Variants in PTCSC3 observed in about 807,000 individuals in gnomAD.
PTCSC3 encodes papillary thyroid carcinoma susceptibility candidate 3 (non-protein coding).
intron 3 of PTCSC3, among the ~76,000 whole-genome samples, chr14:36,139,917 G>T (rs2139087251): frequency 6.6e-6 from 1 of 152,198 alleles, no homozygotes; most frequent in South Asian, 2.1e-4. Context: ...ATAATATCAG[G>T]TATCCACCAT....
intron 3 of PTCSC3, among the ~76,000 whole-genome samples, chr14:36,147,897 G>A (rs972266902): frequency 4.6e-5 from 7 of 151,914 alleles, no homozygotes; most frequent in African/African-American, 7.3e-5. Context: ...ACCCTCAGCT[G>A]CAGGTCTGTT....
chr14:36,174,480 G>A (rs1030931804), intron 1 of PTCSC3, among the ~76,000 whole-genome samples: 23 of 152,102 alleles, frequency 1.5e-4, no homozygotes, highest in African/African-American at 5.6e-4. Flanking sequence ...GTCTTTTAAT[G>A]TGATTTTTAT....
intron 2 of PTCSC3, among the ~76,000 whole-genome samples, chr14:36,159,802 A>G (rs559849566): frequency 4.0e-5 from 6 of 151,194 alleles, no homozygotes; most frequent in Non-Finnish European, 5.9e-5. Flanking sequence ...TATCCTTGTT[A>G]ATATTCCTGT....
intron 1 of PTCSC3, among the ~76,000 whole-genome samples, chr14:36,170,739 A>G (rs1882177449): frequency 6.6e-6 from 1 of 152,074 alleles, no homozygotes; most frequent in East Asian, 1.9e-4. Flanking sequence ...CCAGGTTGCC[A>G]ATGTCTAGTG....
intron 1 of PTCSC3, chr14:36,165,276 A>G (rs1452893638): frequency 6.6e-6 from 1 of 152,210 alleles, no homozygotes; most frequent in Admixed American, 6.5e-5. Context: ...GGAAAAAAGA[A>G]TATGCGACAC....
intron 3 of PTCSC3, among the ~76,000 whole-genome samples, chr14:36,152,290 T>C (rs1472199746): frequency 2.0e-5 from 3 of 151,908 alleles, no homozygotes; most frequent in African/African-American, 7.3e-5. Flanking sequence ...CTTTTTTTCA[T>C]CAAAAGACAT....
chr14:36,138,417 C>A (rs112976934), intron 3 of PTCSC3, among the ~76,000 whole-genome samples: 2,331 of 152,266 alleles, frequency 0.015, 27 homozygotes, highest in African/African-American at 0.033. Context: ...AAACTAAAAA[C>A]TGTCAAATTA....
At chr14:36,149,463 G>A (rs946562975) in intron 3 of PTCSC3, among the ~76,000 whole-genome samples, 6 of 152,102 alleles carry the variant, frequency 3.9e-5, no homozygotes, top group African/African-American at 1.4e-4. Context: ...CTGTGGTTGG[G>A]GAAGTGTTCT....
At chr14:36,166,366 C>T (rs560312463) in intron 1 of PTCSC3, among the ~76,000 whole-genome samples, 5 of 152,288 alleles carry the variant, frequency 3.3e-5, no homozygotes, top group African/African-American at 1.2e-4. Flanking sequence ...TAAGGCTCAA[C>T]TACGTCTGAA....
rs543187078 is a variant in PTCSC3 at position 36,166,279 on chromosome 14, T to A, written n.172-3596A>T. Among the ~76,000 whole-genome samples the A allele has an allele frequency of 2.0e-5, 3 of 152,330 alleles. No homozygotes were observed. The East Asian group carries it at 5.8e-4, about 29-fold the overall frequency. On this transcript the variant is annotated intron_variant and non_coding_transcript_variant, in intron 1 of 3. Transcript: ENST00000556013. Reference sequence around the variant, plus strand: ...ATAAGTCTTAAGTCCTTGATGACTTTTTAATAAAATACGCTACAGAGAACG... The same window carrying A: ...ATAAGTCTTAAGTCCTTGATGACTTATTAATAAAATACGCTACAGAGAACG...
chr14:36,136,037 T>A (rs1881280190), downstream of PTCSC3: 1 of 152,316 alleles, frequency 6.6e-6, no homozygotes, highest in Admixed American at 6.6e-5. Context: ...GTCCCAAAAC[T>A]GAAAAACTTG....
At chr14:36,155,626 C>T (rs930690173) in intron 2 of PTCSC3, among the ~76,000 whole-genome samples, 4 of 152,090 alleles carry the variant, frequency 2.6e-5, no homozygotes, top group African/African-American at 4.8e-5. Context: ...AACCGATCTG[C>T]GCAACTGAGT....
intron 3 of PTCSC3, among the ~76,000 whole-genome samples, chr14:36,145,470 G>C (rs1396518503): frequency 6.7e-6 from 1 of 149,976 alleles, no homozygotes; most frequent in Admixed American, 6.6e-5. Context: ...AGTATTCTCT[G>C]ATGGTAGTTC....
At chr14:36,136,369 G>T (rs1881287641) in intron 3 of PTCSC3, 2 of 152,246 alleles carry the variant, frequency 1.3e-5, no homozygotes, top group African/African-American at 4.8e-5. Flanking sequence ...GTAAAGAAAG[G>T]ACAGGATGAG....
intron 1 of PTCSC3, among the ~76,000 whole-genome samples, chr14:36,172,956 T>A (rs988819704): frequency 6.6e-6 from 1 of 152,118 alleles, no homozygotes; most frequent in Non-Finnish European, 1.5e-5. Context: ...GTTTTTTTTT[T>A]AAGTATTGGT....
intron 1 of PTCSC3, among the ~76,000 whole-genome samples, chr14:36,173,995 C>T (rs1001501731): frequency 3.3e-5 from 5 of 151,372 alleles, no homozygotes; most frequent in African/African-American, 1.2e-4. Context: ...TTTTTTTTCT[C>T]TTTGGCTGCT....
intron 3 of PTCSC3, among the ~76,000 whole-genome samples, chr14:36,152,582 G>C (rs1222167942): frequency 6.6e-6 from 1 of 152,114 alleles, no homozygotes; most frequent in African/African-American, 2.4e-5. Context: ...CTTGTATTCA[G>C]AATATGAGAA....
chr14:36,169,204 C>T (rs1882149862), intron 1 of PTCSC3, among the ~76,000 whole-genome samples: 1 of 152,046 alleles, frequency 6.6e-6, no homozygotes, highest in African/African-American at 2.4e-5. Flanking sequence ...GACAAACATA[C>T]TGCCTTAAAT....
chr14:36,152,092 T>G (rs1881736280), intron 3 of PTCSC3, among the ~76,000 whole-genome samples: 1 of 151,796 alleles, frequency 6.6e-6, no homozygotes, highest in Non-Finnish European at 1.5e-5. Flanking sequence ...ACTCTTTACA[T>G]GTCAGAGTGG....
Sources: gnomAD v4.1 joint callset for allele counts (sites outside exome capture counted in the v4.1 genomes callset) on GRCh38, gnomAD v4.1.1 for gene constraint, MANE v1.5 for transcripts, NCBI Gene and HGNC (gene_info 2026-07-23, HGNC 2026-07-21) for gene names.